CNTNAP2: variants seen among roughly 807,000 people sequenced by gnomAD.
CNTNAP2 encodes the protein contactin-associated protein-like 2.
A neutral mutation model predicts 155.2 loss-of-function variants in CNTNAP2; 98 were observed. The observed-to-expected ratio is 0.63, with a 90% confidence interval of 0.54 to 0.75. The LOEUF is 0.75. CNTNAP2 is among the 30% of genes least tolerant of loss of function. CNTNAP2 has a pLI of 0.00. For synonymous variants in CNTNAP2, 651 were observed against 631.2 expected (o/e 1.03, Z -0.47); for missense variants, 1,727 against 1,688.1 (o/e 1.02, Z -0.40).
chr7:148,263,415 G>A (rs1796597622), intron 20 of CNTNAP2, among the ~76,000 whole-genome samples: 1 of 151,886 alleles, frequency 6.6e-6, no homozygotes, highest in Non-Finnish European at 1.5e-5. Flanking sequence ...AAACCTCTGA[G>A]TAGAGGCTAT....
intron 2 of CNTNAP2, among the ~76,000 whole-genome samples, chr7:146,832,352 G>A (rs943578092): frequency 6.6e-6 from 1 of 151,528 alleles, no homozygotes; most frequent in Non-Finnish European, 1.5e-5. Flanking sequence ...CTGTGCATTG[G>A]TCTTAGTCTA....
chr7:148,012,998 T>C (rs1024191040), intron 15 of CNTNAP2, among the ~76,000 whole-genome samples: 43 of 152,224 alleles, frequency 2.8e-4, no homozygotes, highest in Admixed American at 1.1e-3. Context: ...TTAAATTTGC[T>C]TTTCTGTAAT....
chr7:147,647,167 T>G (rs1194638799), intron 13 of CNTNAP2, among the ~76,000 whole-genome samples: 1 of 151,818 alleles, frequency 6.6e-6, no homozygotes, highest in Non-Finnish European at 1.5e-5. Flanking sequence ...TTTTTTCTTT[T>G]TTTTTTGTAT....
At chr7:147,964,205 A>T (rs1226913434) in intron 14 of CNTNAP2, among the ~76,000 whole-genome samples, 5 of 152,164 alleles carry the variant, frequency 3.3e-5, no homozygotes, top group African/African-American at 1.2e-4. Flanking sequence ...CAAGCCAAGG[A>T]GAGAGGCATC....
At chr7:148,181,741 CTTTTTTTTTTTTTT>C (rs71527884) in intron 18 of CNTNAP2, among the ~76,000 whole-genome samples, 13 of 48,646 alleles carry the variant, frequency 2.7e-4, no homozygotes, top group African/African-American at 8.2e-4. Flanking sequence ...AGTGTGTGCC[CTTTTTTTTTTTTTT>C]TTTTTTTTTT....
chr7:146,393,032 C>T (rs1325735124), intron 1 of CNTNAP2, among the ~76,000 whole-genome samples: 1 of 152,180 alleles, frequency 6.6e-6, no homozygotes, highest in East Asian at 1.9e-4. Context: ...ATCATCTTCA[C>T]AGCCTCCGAA....
At chr7:147,811,713 T>C (rs963595031) in intron 13 of CNTNAP2, among the ~76,000 whole-genome samples, 1 of 152,222 alleles carries the variant, frequency 6.6e-6, no homozygotes, top group African/African-American at 2.4e-5. Flanking sequence ...AATTATTCAA[T>C]GATCCCCATA....
chr7:147,000,733 G>A lies in CNTNAP2; in HGVS notation c.403-43174G>A, dbSNP rs190888008. ...AGTCCATGAATTCTATAATTAGTGC[G>A]GTGCTAGGGTGTGCTTGAAGCCCAT... On this transcript the variant is annotated intron_variant, in intron 3 of 23. Coordinates refer to ENST00000361727, the MANE Select transcript of CNTNAP2 (RefSeq NM_014141.6). Among the ~76,000 whole-genome samples the A allele has an allele frequency of 2.2e-3, 331 of 152,192 alleles. 3 individuals carry two copies. The highest frequency in any genetic ancestry group is 6.8e-3 in the African/African-American group (282 of 41,550).
chr7:148,162,127 T>C (rs1805558210), intron 17 of CNTNAP2, among the ~76,000 whole-genome samples: 1 of 152,088 alleles, frequency 6.6e-6, no homozygotes, highest in South Asian at 2.1e-4. Context: ...TACAAATGTT[T>C]AAATAGAGAC....
intron 4 of CNTNAP2, among the ~76,000 whole-genome samples, chr7:147,060,072 A>C (rs1470306342): frequency 6.6e-6 from 1 of 152,186 alleles, no homozygotes; most frequent in Non-Finnish European, 1.5e-5. Flanking sequence ...AAAATGAAGG[A>C]CAAAATAATT....
intron 9 of CNTNAP2, among the ~76,000 whole-genome samples, chr7:147,352,882 T>C (rs1169855617): frequency 6.6e-6 from 1 of 151,894 alleles, no homozygotes; most frequent in African/African-American, 2.4e-5. Flanking sequence ...CTTGATACGA[T>C]AGATGAAAAT....
intron 1 of CNTNAP2, among the ~76,000 whole-genome samples, chr7:146,640,289 T>G (rs1427475686): frequency 1.3e-5 from 2 of 152,208 alleles, no homozygotes; most frequent in Non-Finnish European, 2.9e-5. Flanking sequence ...AAAGGAAAGA[T>G]ACGTTTCTTC....
At chr7:148,331,501 TTGA>T (rs1487932353) in intron 21 of CNTNAP2, among the ~76,000 whole-genome samples, 3 of 102,272 alleles carry the variant, frequency 2.9e-5, no homozygotes, top group African/African-American at 1.3e-4. Flanking sequence ...ACAGATGGAG[TTGA>T]TGGATGGATG....
At chr7:146,784,693 C>G (rs1304953510) in intron 2 of CNTNAP2, among the ~76,000 whole-genome samples, 2 of 152,168 alleles carry the variant, frequency 1.3e-5, no homozygotes, top group Non-Finnish European at 2.9e-5. Context: ...TGGACACTCT[C>G]TAGGACCCTG....
At chr7:147,880,377 C>A (rs1296502560) in intron 13 of CNTNAP2, among the ~76,000 whole-genome samples, 1 of 152,130 alleles carries the variant, frequency 6.6e-6, no homozygotes, top group Admixed American at 6.5e-5. Context: ...ACAGTCATGA[C>A]TTTTATGTGC....
intron 3 of CNTNAP2, among the ~76,000 whole-genome samples, chr7:146,901,723 G>T (rs1316497310): frequency 8.5e-5 from 13 of 152,134 alleles, no homozygotes; most frequent in African/African-American, 3.1e-4. Flanking sequence ...AGTTGTATTA[G>T]ATGGCTGGGG....
intron 1 of CNTNAP2, among the ~76,000 whole-genome samples, chr7:146,458,140 G>T (rs1796584676): frequency 6.6e-6 from 1 of 152,086 alleles, no homozygotes; most frequent in African/African-American, 2.4e-5. Flanking sequence ...ACTGGGGCCT[G>T]TCAGGGGTAT....
chr7:148,027,943 C>T (rs1197871868), intron 15 of CNTNAP2, among the ~76,000 whole-genome samples: 7 of 152,196 alleles, frequency 4.6e-5, no homozygotes, highest in Middle Eastern at 3.4e-3. Context: ...AGTCACCTTC[C>T]ATTCTCTCCC....
intron 13 of CNTNAP2, among the ~76,000 whole-genome samples, chr7:147,881,652 G>A (rs1240933070): frequency 6.6e-6 from 1 of 152,094 alleles, no homozygotes; most frequent in Non-Finnish European, 1.5e-5. Context: ...AGTTAGAATA[G>A]GAAAACAATG....
Sources: allele counts gnomAD v4.1 joint callset (sites outside exome capture counted in the v4.1 genomes callset), GRCh38; gene constraint gnomAD v4.1.1; transcripts MANE v1.5; gene names NCBI Gene and HGNC (gene_info 2026-07-23, HGNC 2026-07-21).